WWOX: variants seen among roughly 807,000 people sequenced by gnomAD.
WWOX encodes WW domain containing oxidoreductase.
A neutral mutation model predicts 46.2 loss-of-function variants in WWOX; 69 were observed. That is an observed-to-expected ratio of 1.49 (90% CI 1.23 to 1.82). The LOEUF (loss-of-function observed/expected upper bound fraction) is 1.82. WWOX is among the 40% of genes most tolerant of loss of function. The pLI, the probability that WWOX is intolerant of heterozygous loss-of-function variation, is 0.00. For synonymous variants in WWOX, 359 were observed against 202.6 expected (o/e 1.77, Z -6.56); for missense variants, 919 against 542.6 (o/e 1.69, Z -6.89).
At chr16:78,309,295 C>T (rs574889136) in intron 5 of WWOX, among the ~76,000 whole-genome samples, 41 of 152,310 alleles carry the variant, frequency 2.7e-4, no homozygotes, top group African/African-American at 7.7e-4. Context: ...CTTCCTGCCG[C>T]TTTGTGAACC....
chr16:78,912,851 C>T (rs931600011), intron 8 of WWOX, among the ~76,000 whole-genome samples: 6 of 152,026 alleles, frequency 3.9e-5, no homozygotes, highest in African/African-American at 9.6e-5. Flanking sequence ...GACGTATTAT[C>T]ATTGGTTAGA....
At chr16:78,492,505 T>G (rs1423050368) in intron 8 of WWOX, among the ~76,000 whole-genome samples, 1 of 152,158 alleles carries the variant, frequency 6.6e-6, no homozygotes, top group Non-Finnish European at 1.5e-5. Context: ...GAACACTCAT[T>G]CATCTACATC....
At position 78,305,939 on chromosome 16, in the gene WWOX, C is replaced by T. The variant is rs577444443; in HGVS notation, c.517-80921C>T. On this transcript the variant is annotated intron_variant, in intron 5 of 8. Transcript: ENST00000566780. ...TCTTTTTTGAGTGAAGTGGTCAGAC[C>T]ACCAAGAATTACTTTCCTTTGATTG... is the stretch of plus-strand genomic sequence containing the variant. Among the ~76,000 whole-genome samples, 5 of 151,908 alleles carry T rather than the reference C, an allele frequency of 3.3e-5. No homozygotes were observed. In the East Asian group the frequency reaches 5.8e-4, roughly 18 times the overall value.
At chr16:78,819,149 G>C (rs1284455469) in intron 8 of WWOX, among the ~76,000 whole-genome samples, 1 of 152,186 alleles carries the variant, frequency 6.6e-6, no homozygotes, top group African/African-American at 2.4e-5. Context: ...GGCCACTGCT[G>C]TTCAGTTCAC....
chr16:78,821,951 AC>A (rs2051508983), intron 8 of WWOX, among the ~76,000 whole-genome samples: 2 of 152,160 alleles, frequency 1.3e-5, no homozygotes, highest in Non-Finnish European at 2.9e-5. Flanking sequence ...ATCTTAGCTC[AC>A]AGCAGCCTCG....
intron 4 of WWOX, among the ~76,000 whole-genome samples, chr16:78,163,958 GTT>G (rs956355127): frequency 6.6e-6 from 1 of 152,156 alleles, no homozygotes; most frequent in Non-Finnish European, 1.5e-5. Flanking sequence ...ATGGTAAGAT[GTT>G]TTGTAATGCC....
intron 8 of WWOX, among the ~76,000 whole-genome samples, chr16:78,642,278 G>A (rs1028855626): frequency 6.6e-6 from 1 of 152,204 alleles, no homozygotes; most frequent in African/African-American, 2.4e-5. Flanking sequence ...GGAGAATGTA[G>A]GGAGGAGGTG....
chr16:78,645,234 C>T (rs7190546), intron 8 of WWOX, among the ~76,000 whole-genome samples: 53,303 of 151,856 alleles, frequency 0.35, 10,649 homozygotes, highest in African/African-American at 0.54. Context: ...AGGGTACCAC[C>T]TCCTCATTGC....
chr16:78,121,851 A>G (rs138475506), intron 4 of WWOX, among the ~76,000 whole-genome samples: 2 of 152,056 alleles, frequency 1.3e-5, no homozygotes, highest in African/African-American at 2.4e-5. Flanking sequence ...AGTAGAGACA[A>G]GGTTTTGCCA....
intron 8 of WWOX, among the ~76,000 whole-genome samples, chr16:78,997,081 C>G (rs1322863135): frequency 6.6e-6 from 1 of 152,030 alleles, no homozygotes; most frequent in East Asian, 1.9e-4. Context: ...AGGCATCATA[C>G]CATCTGCTTT....
At chr16:78,249,296 G>A (rs2037915707) in intron 5 of WWOX, among the ~76,000 whole-genome samples, 1 of 152,196 alleles carries the variant, frequency 6.6e-6, no homozygotes, top group African/African-American at 2.4e-5. Flanking sequence ...AAGCTGCACT[G>A]CCTCACGAGG....
At position 78,667,327 on chromosome 16, in the gene WWOX, G is replaced by A. The variant is rs563095944; in HGVS notation, c.1056+234575G>A. 3.0e-4 allele frequency among the ~76,000 whole-genome samples: 46 copies of A among 152,120 alleles called. 1 individual carries two copies. In the South Asian group the frequency reaches 9.6e-3, roughly 32 times the overall value. Reference sequence around the variant, plus strand: ...GACAGGCTGACATTTTTATTGAATGGGTTATCTCAATATATATCTACTTTT... The same window carrying A: ...GACAGGCTGACATTTTTATTGAATGAGTTATCTCAATATATATCTACTTTT... On this transcript the variant is annotated intron_variant, in intron 8 of 8. Transcript: ENST00000566780.
intron 8 of WWOX, among the ~76,000 whole-genome samples, chr16:78,676,477 C>T (rs1249159619): frequency 6.6e-6 from 1 of 151,968 alleles, no homozygotes; most frequent in African/African-American, 2.4e-5. Flanking sequence ...GCTCCCCACC[C>T]CCACCTTTGG....
intron 8 of WWOX, among the ~76,000 whole-genome samples, chr16:79,180,433 T>C (rs1009057245): frequency 6.6e-6 from 1 of 152,304 alleles, no homozygotes. Flanking sequence ...TCACCCATTA[T>C]AAAATGGACA....
intron 8 of WWOX, among the ~76,000 whole-genome samples, chr16:78,643,433 T>A (rs570956947): frequency 6.6e-6 from 1 of 152,250 alleles, no homozygotes; most frequent in Non-Finnish European, 1.5e-5. Flanking sequence ...CCTGTCTCTG[T>A]GTCTCCCAGC....
At chr16:79,211,525 C>T (rs1567624630) in intron 8 of WWOX, 83 bp from the exon 9 acceptor site, 6 of 1,572,110 alleles carry the variant, frequency 3.8e-6, no homozygotes, top group Non-Finnish European at 5.2e-6. Context: ...GGGAGGCCTG[C>T]TAATGCCCAG....
intron 5 of WWOX, among the ~76,000 whole-genome samples, chr16:78,378,273 C>T (rs1439932494): frequency 1.3e-5 from 2 of 152,142 alleles, no homozygotes; most frequent in Non-Finnish European, 2.9e-5. Flanking sequence ...GACTCTCAAA[C>T]TCCCCTTTCC....
chr16:78,621,897 G>A (rs147531694), intron 8 of WWOX, among the ~76,000 whole-genome samples: 3,679 of 152,058 alleles, frequency 0.024, 169 homozygotes, highest in African/African-American at 0.085. Context: ...GAGCCACCGT[G>A]CCCAGCCTTC....
chr16:78,728,301 C>A (rs781375425), intron 8 of WWOX, among the ~76,000 whole-genome samples: 6 of 151,946 alleles, frequency 3.9e-5, no homozygotes, highest in Non-Finnish European at 7.4e-5. Context: ...AACTCCTGAG[C>A]TCAAGCGATT....
Sources: allele counts gnomAD v4.1 joint callset (sites outside exome capture counted in the v4.1 genomes callset), GRCh38; gene constraint gnomAD v4.1.1; transcripts MANE v1.5; gene names NCBI Gene and HGNC (gene_info 2026-07-23, HGNC 2026-07-21).